XDH: variants seen among roughly 807,000 people sequenced by gnomAD.
The protein encoded by XDH is xanthine dehydrogenase/oxidase.
A neutral mutation model predicts 156.1 loss-of-function variants in XDH; 138 were observed. The ratio of observed to expected loss-of-function variants is 0.88; its 90% CI spans 0.77 to 1.02. The LOEUF (loss-of-function observed/expected upper bound fraction) is 1.02. Among genes scored for constraint, XDH ranks in the 50% least tolerant of loss-of-function variants. The pLI is 0.00. For synonymous variants in XDH, 669 were observed against 625.7 expected (o/e 1.07, Z -1.03); for missense variants, 1,849 against 1,684.9 (o/e 1.10, Z -1.71).
In XDH at chr2:31,348,352, T is replaced by C. The variant is rs1205178086; in HGVS notation, c.3063A>G (p.Leu1021=). ...CAGAGCCATCTGTGTACACATGAAG[T>C]AGGGCTCCTGCCTAGGGAAAGAGAA... The part of the protein sequence containing the change: ...TVPFLNQAGA[L]LHVYTDGSVL... The change falls in exon 28 of 36, where the codon CTA becomes CTG. Residue 1021 remains leucine, a synonymous_variant. Coordinates refer to ENST00000379416, the MANE Select transcript of XDH (RefSeq NM_000379.4). 6.2e-7 allele frequency: 1 copy of C among 1,614,164 alleles called. No homozygotes were observed. Among genetic ancestry groups the C allele is most frequent in the Admixed American group, 1.7e-5 (1 of 60,028 alleles).
intron 34 of XDH, among the ~76,000 whole-genome samples, chr2:31,338,918 T>C (rs113716193): frequency 3.3e-5 from 5 of 151,442 alleles, no homozygotes; most frequent in African/African-American, 1.2e-4. Context: ...AGAGATGGGG[T>C]TTTGCCATGT....
Position 31,350,087 on chromosome 2 carries a change from A to G in XDH, c.2768T>C (p.Ile923Thr). The G allele has an allele frequency of 1.2e-6, 2 of 1,614,236 alleles. No individual in the cohort carries two copies. Among genetic ancestry groups the G allele is most frequent in the Non-Finnish European group, 1.7e-6 (2 of 1,180,052 alleles). Residue 923 changes from isoleucine to threonine, a missense_variant, in exon 25 of 36, where the codon ATT (isoleucine) becomes ACT (threonine). By Grantham distance (89) the Ile-to-Thr change is moderately conservative. Transcript: ENST00000379416. Reference protein sequence around the residue: ...RGFGGPQGMLIAECWMSEVAV... With the variant: ...RGFGGPQGMLTAECWMSEVAV... ...AACTTCACTCATCCAGCACTCGGCA[A>G]TGAGCATCCCCTGGGGCCCCCCAAA...
chr2:31,365,915 GC>G (rs1685902741), intron 22 of XDH, 60 bp downstream of exon 22: 2 of 1,612,582 alleles, frequency 1.2e-6, no homozygotes, highest in Non-Finnish European at 1.7e-6. Flanking sequence ...AACCTTCCTG[GC>G]ACAGACAGCC....
intron 24 of XDH, among the ~76,000 whole-genome samples, chr2:31,361,267 A>G (rs1572527709): frequency 1.3e-5 from 2 of 152,382 alleles, no homozygotes; most frequent in East Asian, 3.9e-4. Flanking sequence ...TGCCTTCAAG[A>G]ATGAAATGTT....
At chr2:31,357,248 G>A (rs1685649347) in intron 24 of XDH, among the ~76,000 whole-genome samples, 1 of 152,250 alleles carries the variant, frequency 6.6e-6, no homozygotes, top group Non-Finnish European at 1.5e-5. Context: ...ATAAGGATAA[G>A]AGCAGAAATC....
intron 32 of XDH, among the ~76,000 whole-genome samples, 198 bp from the exon 33 acceptor site, chr2:31,341,592 G>T (rs1685127247): frequency 6.6e-6 from 1 of 152,112 alleles, no homozygotes; most frequent in Non-Finnish European, 1.5e-5. Flanking sequence ...TGGAGTCTGA[G>T]TTTGTAGCAG....
chr2:31,401,099 T>G, intron 4 of XDH, 121 bp downstream of exon 4: 1 of 1,138,830 alleles, frequency 8.8e-7, no homozygotes, highest in Non-Finnish European at 1.3e-6. Flanking sequence ...TGAAATGCCT[T>G]CTTAGATTAA....
At position 31,341,323 on chromosome 2, in the gene XDH, C is replaced by T; in HGVS notation, c.3585+6G>A. On this transcript the variant is annotated splice_donor_region_variant and intron_variant, in intron 33 of 35. Coordinates refer to ENST00000379416, the MANE Select transcript of XDH (RefSeq NM_000379.4). ...CTGTCACCACCCTGGTCCCACTGAG[C>T]CTCACCTGTCCAATATCAATGGCAG... is the stretch of plus-strand genomic sequence containing the variant. 6.4e-7 allele frequency: 1 copy of T among 1,567,050 alleles called. No individual in the cohort carries two copies. Among genetic ancestry groups the T allele is most frequent in the Non-Finnish European group, 8.7e-7 (1 of 1,153,528 alleles).
intron 4 of XDH, among the ~76,000 whole-genome samples, chr2:31,399,411 A>G (rs1383696989): frequency 3.9e-5 from 6 of 152,180 alleles, no homozygotes; most frequent in African/African-American, 1.4e-4. Flanking sequence ...GAGAAGGAAA[A>G]GCCAGAACCA....
At chr2:31,348,136 G>A in intron 28 of XDH, 132 bp downstream of exon 28, 1 of 906,230 alleles carries the variant, frequency 1.1e-6, no homozygotes. Flanking sequence ...CTTGCCCGAG[G>A]CTACACGGAC....
At chr2:31,382,962 C>A (rs747605882) in intron 11 of XDH, 39 bp downstream of exon 11, 6 of 1,613,522 alleles carry the variant, frequency 3.7e-6, no homozygotes, top group Non-Finnish European at 5.1e-6. Flanking sequence ...GATGAAAGCT[C>A]CATCCTACGG....
At chr2:31,401,719 A>G (rs1002504413) in intron 3 of XDH, among the ~76,000 whole-genome samples, 4 of 152,218 alleles carry the variant, frequency 2.6e-5, no homozygotes, top group African/African-American at 9.6e-5. Flanking sequence ...GCTGTTCCTT[A>G]GCTTCCAATC....
At chr2:31,407,185 G>A (rs1323129272) in intron 1 of XDH, among the ~76,000 whole-genome samples, 4 of 152,156 alleles carry the variant, frequency 2.6e-5, no homozygotes, top group African/African-American at 7.2e-5. Context: ...AGCTTGCTTT[G>A]TGCTACATAA....
intron 26 of XDH, 66 bp downstream of exon 26, chr2:31,349,620 G>T: frequency 1.2e-6 from 2 of 1,609,094 alleles, no homozygotes; most frequent in Non-Finnish European, 1.7e-6. Context: ...CCTATATGGG[G>T]TCAGCAGAAA....
At chr2:31,345,653 C>T (rs2148753048) in intron 30 of XDH, among the ~76,000 whole-genome samples, 1 of 152,150 alleles carries the variant, frequency 6.6e-6, no homozygotes, top group East Asian at 1.9e-4. Flanking sequence ...CTAAAACCTG[C>T]ACTAGTCATT....
intron 1 of XDH, among the ~76,000 whole-genome samples, chr2:31,408,110 G>T (rs1484917857): frequency 6.6e-6 from 1 of 152,006 alleles, no homozygotes; most frequent in Non-Finnish European, 1.5e-5. Context: ...GTCTTTCAAG[G>T]CCCTTTTCAA....
At chr2:31,373,272 G>A (rs115074795) in intron 16 of XDH, among the ~76,000 whole-genome samples, 3,526 of 152,248 alleles carry the variant, frequency 0.023, 57 homozygotes, top group Middle Eastern at 0.068. Context: ...TGCCTGGGAC[G>A]ACTACACTCT....
chr2:31,350,308 A>G, intron 24 of XDH, 85 bp from the exon 25 acceptor site: 1 of 1,391,888 alleles, frequency 7.2e-7, no homozygotes, highest in Non-Finnish European at 1.0e-6. Flanking sequence ...GGCTGTATCC[A>G]TTGCCTGCCT....
intron 34 of XDH, among the ~76,000 whole-genome samples, chr2:31,339,142 C>A (rs896878603): frequency 7.9e-5 from 12 of 152,140 alleles, no homozygotes; most frequent in African/African-American, 2.9e-4. Flanking sequence ...AATGCTGTAC[C>A]TGTAAAATCA....
Sources: gnomAD v4.1 joint callset for allele counts (sites outside exome capture counted in the v4.1 genomes callset) on GRCh38, gnomAD v4.1.1 for gene constraint, MANE v1.5 for transcripts, NCBI Gene and HGNC (gene_info 2026-07-23, HGNC 2026-07-21) for gene names.